RELCH: variants seen among roughly 807,000 people sequenced by gnomAD.
RELCH encodes RAB11 binding and LisH domain, coiled-coil and HEAT repeat containing, also known as RAB11-binding protein RELCH.
In RELCH, 41 loss-of-function variants were observed where a neutral mutation model predicts 150.3. That is an observed-to-expected ratio of 0.27 (90% CI 0.21 to 0.35). RELCH has a LOEUF of 0.35. Among genes scored for constraint, RELCH ranks in the 10% least tolerant of loss-of-function variants. The pLI is 1.00. For synonymous variants in RELCH, 478 were observed against 531.8 expected, an observed-to-expected ratio of 0.90 and a Z score of 1.39; for missense variants, 1,092 against 1,467.8, an observed-to-expected ratio of 0.74 and a Z score of 4.18.
intron 11 of RELCH, chr18:62,245,789 A>G (rs935520857): frequency 6.6e-6 from 1 of 152,200 alleles, no homozygotes; most frequent in Admixed American, 6.5e-5. Flanking sequence ...TCTGAAAAAA[A>G]TCTGCCATTA....
intron 15 of RELCH, among the ~76,000 whole-genome samples, chr18:62,259,410 G>A (rs2043148803): frequency 6.6e-6 from 1 of 151,208 alleles, no homozygotes. Context: ...AAAATGCTTA[G>A]GAATATATAT....
chr18:62,295,893 A>G (rs2045385249), intron 27 of RELCH, among the ~76,000 whole-genome samples: 1 of 152,064 alleles, frequency 6.6e-6, no homozygotes, highest in Admixed American at 6.5e-5. Context: ...GGTTTTAAGT[A>G]TTGTTTTAGC....
At position 62,271,096 on chromosome 18, in the gene RELCH, G is replaced by A. The variant is rs2043876109; in HGVS notation, c.2760+2148G>A. Among the ~76,000 whole-genome samples the A allele has an allele frequency of 2.0e-5, 3 of 152,078 alleles. No homozygotes were observed. The South Asian group carries it at 6.2e-4, about 31-fold the overall frequency. On this transcript the variant is annotated intron_variant, in intron 20 of 28. Transcript: ENST00000644646. ...TAGTAGTATGATTTATAATCCTTTGGGTATATACCCAGTAATGGGATCGTT... is the reference window on the plus strand; with the variant it reads ...TAGTAGTATGATTTATAATCCTTTGAGTATATACCCAGTAATGGGATCGTT...
At chr18:62,206,427 CAT>C (rs746236688) in intron 1 of RELCH, among the ~76,000 whole-genome samples, 169 of 152,328 alleles carry the variant, frequency 1.1e-3, no homozygotes, top group Non-Finnish European at 1.6e-3. Context: ...TTGATAATGA[CAT>C]AGCCCTATTT....
At chr18:62,289,422 A>G (rs942764387) in intron 26 of RELCH, among the ~76,000 whole-genome samples, 2 of 152,212 alleles carry the variant, frequency 1.3e-5, no homozygotes, top group Non-Finnish European at 2.9e-5. Context: ...AGTGTATAAC[A>G]TTTTGGCATA....
chr18:62,204,214 G>C (rs1264704745), intron 1 of RELCH, among the ~76,000 whole-genome samples: 1 of 151,854 alleles, frequency 6.6e-6, no homozygotes, highest in Non-Finnish European at 1.5e-5. Context: ...TAATTCGAAG[G>C]AATAATCATT....
At chr18:62,268,421 C>T (rs146946545) in intron 19 of RELCH, 1 of 152,578 alleles carries the variant, frequency 6.6e-6, no homozygotes, top group African/African-American at 2.4e-5. Context: ...GCAGGAGGGG[C>T]TCAGGAACTC....
rs764182124 is a variant in RELCH, at chr18:62,231,229, C to G, written c.1484C>G (p.Ser495Cys). ...CCTGCATTCCATCAAGCACTACTCT[C>G]TTTTTGTCGAATGTCAGCAGATAGT... Reference protein sequence around the residue: ...LSPAFHQALLSFCRMSADSRL... With the variant: ...LSPAFHQALLCFCRMSADSRL... Residue 495 changes from serine (S) to cysteine (C), a missense_variant, in exon 9 of 29, where the codon TCT becomes TGT. Physicochemically the swap from Ser to Cys is moderately radical, Grantham distance 112 (BLOSUM62 -1). This residue lies in a region of RELCH where 707 missense variants were observed against 1,025.4 expected (regional missense o/e 0.69). Coordinates refer to ENST00000644646, the MANE Select transcript of RELCH (RefSeq NM_001346231.2). The G allele has an allele frequency of 5.6e-6, 9 of 1,608,694 alleles. No homozygotes were observed. Among genetic ancestry groups the G allele is most frequent in the Non-Finnish European group, 7.7e-6 (9 of 1,176,146 alleles).
chr18:62,277,530 A>G lies in RELCH; in HGVS notation c.2967+2057A>G, dbSNP rs989795642. On this transcript the variant is annotated intron_variant, in intron 22 of 28. Coordinates refer to ENST00000644646, the MANE Select transcript of RELCH (RefSeq NM_001346231.2). The stretch of plus-strand genomic sequence containing the variant: ...ATTTAGAATTATGCCTGCTTACCCT[A>G]AAAAAGTTAATTCAAAATAAAAACA... 3 of 676,282 alleles carry G rather than the reference A, an allele frequency of 4.4e-6. No homozygotes were observed. In the African/African-American group the frequency reaches 5.8e-5, roughly 13 times the overall value. The allele number at this position is 676,282 out of a possible 1,614,324, so 41.9% of individuals were successfully genotyped here.
Position 62,266,719 on chromosome 18 carries a change from G to A in RELCH, c.2650G>A (p.Glu884Lys). The change falls in exon 19 of 29, where the codon GAG becomes AAG. Residue 884 changes from glutamate to lysine, a missense_variant. By Grantham distance (56) the Glu-to-Lys change is moderately conservative. Around this residue, in one of 4 missense-constraint regions of RELCH, gnomAD observed 707 missense variants for 1,025.4 expected, o/e 0.69. Coordinates refer to ENST00000644646, the MANE Select transcript of RELCH (RefSeq NM_001346231.2). Reference protein sequence around the residue: ...TNTKVKPQFQEILRLSEENID... With the variant: ...TNTKVKPQFQKILRLSEENID... Reference sequence around the variant, plus strand: ...TGCTTAGGTAAAACCTCAGTTCCAGGAGATTTTAAGACTATCTGAAGAAAA... The same window carrying A: ...TGCTTAGGTAAAACCTCAGTTCCAGAAGATTTTAAGACTATCTGAAGAAAA... The A allele has an allele frequency of 6.2e-7, 1 of 1,602,732 alleles. No individual in the cohort carries two copies. Among genetic ancestry groups the A allele is most frequent in the East Asian group, 2.3e-5 (1 of 44,438 alleles).
At chr18:62,258,913 T>C (rs941529068) in intron 15 of RELCH, among the ~76,000 whole-genome samples, 3 of 152,026 alleles carry the variant, frequency 2.0e-5, no homozygotes, top group African/African-American at 7.2e-5. Flanking sequence ...AAATGCACCT[T>C]CATGGAAGTA....
chr18:62,279,250 G>A (rs908507774), intron 22 of RELCH, among the ~76,000 whole-genome samples: 3 of 152,102 alleles, frequency 2.0e-5, no homozygotes, highest in African/African-American at 7.2e-5. Context: ...AAAAGAGAAG[G>A]CTATATTATT....
At chr18:62,228,230 C>A in intron 7 of RELCH, 75 bp from the exon 8 acceptor site, 2 of 1,131,784 alleles carry the variant, frequency 1.8e-6, no homozygotes, top group Non-Finnish European at 2.6e-6. Flanking sequence ...AACATTAAAC[C>A]CATTATGAGA....
rs368199113 is a variant in RELCH, at chr18:62,252,148, A to G, written c.1734-516A>G. ...GTAGCTGGGACTACAGTCGGGTGCC[A>G]CCACGCCCGGCTAATTTTTTTTTTT... On this transcript the variant is annotated intron_variant, in intron 11 of 28. Transcript: ENST00000644646. Among the ~76,000 whole-genome samples, 9 of 147,514 alleles carry G rather than the reference A, an allele frequency of 6.1e-5. No individual in the cohort carries two copies. The East Asian group carries it at 1.6e-3, about 26-fold the overall frequency.
chr18:62,202,083 G>A (rs1568305024), intron 1 of RELCH, among the ~76,000 whole-genome samples: 1 of 152,208 alleles, frequency 6.6e-6, no homozygotes, highest in Non-Finnish European at 1.5e-5. Flanking sequence ...TACCAACTAT[G>A]ATGAAAGTAC....
intron 1 of RELCH, 61 bp downstream of exon 1, chr18:62,188,092 AG>A (rs970806945): frequency 6.9e-7 from 1 of 1,451,512 alleles, no homozygotes; most frequent in African/African-American, 1.4e-5. Context: ...GAGTTACTGT[AG>A]GGGAGAGGGG....
At position 62,221,031 on chromosome 18, in the gene RELCH, G is replaced by C; in HGVS notation, c.617-6G>C. Reference sequence around the variant, plus strand: ...CTGTGTGTGTTTATTCCAAATCCCTGTCCAGTCCTGGAGTTTGAACTACGG... The same window carrying C: ...CTGTGTGTGTTTATTCCAAATCCCTCTCCAGTCCTGGAGTTTGAACTACGG... On this transcript the variant is annotated splice_region_variant and splice_polypyrimidine_tract_variant and intron_variant, in intron 2 of 28. Coordinates refer to ENST00000644646, the MANE Select transcript of RELCH (RefSeq NM_001346231.2). 6.2e-7 allele frequency: 1 copy of C among 1,610,492 alleles called. No homozygotes were observed. The highest frequency in any genetic ancestry group is 8.5e-7 in the Non-Finnish European group (1 of 1,178,456).
chr18:62,208,356 C>CA (rs35392932), intron 1 of RELCH, among the ~76,000 whole-genome samples: 305 of 132,550 alleles, frequency 2.3e-3, no homozygotes, highest in South Asian at 4.8e-3. Context: ...ACTTTTAAAG[C>CA]AAAAAAAAAA....
At chr18:62,280,316 C>T in intron 23 of RELCH, 1 of 1,530,196 alleles carries the variant, frequency 6.5e-7, no homozygotes, top group Non-Finnish European at 9.1e-7. Flanking sequence ...GTTCTTATTC[C>T]AGTTTACCAA....
Sources: allele counts gnomAD v4.1 joint callset (sites outside exome capture counted in the v4.1 genomes callset), GRCh38; gene constraint gnomAD v4.1.1; regional missense constraint gnomAD v4.1.1; transcripts MANE v1.5; gene names NCBI Gene and HGNC (gene_info 2026-07-23, HGNC 2026-07-21).